Variants in BRWD3 observed in about 807,000 individuals in gnomAD.
The protein encoded by BRWD3 is bromodomain and WD repeat domain containing 3.
BRWD3 carries 10 observed loss-of-function variants against 149.7 expected under a neutral mutation model. The observed-to-expected ratio is 0.07, with a 90% confidence interval of 0.04 to 0.11. The LOEUF (loss-of-function observed/expected upper bound fraction) is 0.11, where lower values mean the gene tolerates loss of function less well. BRWD3 is among the 10% of genes least tolerant of loss of function. BRWD3 has a pLI of 1.00. For synonymous variants in BRWD3, 504 were observed against 456.7 expected (o/e 1.10, Z -1.32); for missense variants, 940 against 1,373.2 (o/e 0.68, Z 4.99).
At chrX:80,807,236 G>T (rs1029016003) in intron 4 of BRWD3, among the ~76,000 whole-genome samples, 1 of 111,506 alleles carries the variant, frequency 9.0e-6, no homozygotes, top group African/African-American at 3.3e-5. Context: ...CTCCATCTGA[G>T]AAATTGTTAC....
At position 80,809,705 on chromosome X, in the gene BRWD3, G is replaced by C. The variant is rs1387266081; in HGVS notation, c.-234C>G. 3.6e-5 allele frequency: 14 copies of C among 386,401 alleles called. No homozygotes were observed. In the Admixed American group the frequency reaches 5.6e-4, roughly 16 times the overall value. The allele number at this position is 386,401 out of a possible 1,213,427, so 31.8% of individuals were successfully genotyped here. ...GAAGGAGAGGAGAGGGAGAGGGAGA[G>C]AGAGAGTGAGTGAGTGAGAGAGAGA... On this transcript the variant is annotated 5_prime_UTR_variant, in exon 1 of 41. Coordinates refer to ENST00000373275, the MANE Select transcript of BRWD3 (RefSeq NM_153252.5).
At chrX:80,697,788 T>C (rs2072722607) in intron 25 of BRWD3, among the ~76,000 whole-genome samples, 1 of 112,175 alleles carries the variant, frequency 8.9e-6, no homozygotes, top group African/African-American at 3.2e-5. Context: ...TGCATGTGCA[T>C]GTGTCTTCAT....
intron 6 of BRWD3, among the ~76,000 whole-genome samples, chrX:80,782,653 T>G (rs2074068062): frequency 9.0e-6 from 1 of 111,488 alleles, no homozygotes; most frequent in Non-Finnish European, 1.9e-5. Context: ...ATTCCAATAC[T>G]TTTGGGAGGC....
chrX:80,700,974 G>A (rs987477184), intron 24 of BRWD3, among the ~76,000 whole-genome samples: 1 of 110,309 alleles, frequency 9.1e-6, no homozygotes, highest in Non-Finnish European at 1.9e-5. Context: ...TGTGGATACC[G>A]AAGGACAACT....
At chrX:80,710,570 G>T (rs1459576653) in intron 20 of BRWD3, 1 of 447,810 alleles carries the variant, frequency 2.2e-6, no homozygotes, top group Non-Finnish European at 4.2e-6. Context: ...GTAATAATTT[G>T]GAGTTTACAA....
At chrX:80,795,445 A>G (rs1351743148) in intron 4 of BRWD3, among the ~76,000 whole-genome samples, 2 of 109,560 alleles carry the variant, frequency 1.8e-5, no homozygotes, top group African/African-American at 6.6e-5. Context: ...ATACACGTAT[A>G]TGTATGTGTA....
At chrX:80,737,418 T>C (rs2073419956) in intron 8 of BRWD3, among the ~76,000 whole-genome samples, 1 of 112,410 alleles carries the variant, frequency 8.9e-6, no homozygotes, top group African/African-American at 3.2e-5. Context: ...ACATGTTCAG[T>C]ACGAATGTTA....
At chrX:80,714,218 T>C (rs962349413) in intron 20 of BRWD3, among the ~76,000 whole-genome samples, 15 of 94,467 alleles carry the variant, frequency 1.6e-4, no homozygotes, top group Non-Finnish European at 2.7e-4. Flanking sequence ...CAAACCTTCA[T>C]CTTTTTTTTT....
At position 80,722,623 on chromosome X, in the gene BRWD3, T is replaced by C. The variant is rs1188501630; in HGVS notation, c.1815A>G (p.Val605=). The C allele has an allele frequency of 1.7e-6, 2 of 1,211,708 alleles. No homozygotes were observed. The highest frequency in any genetic ancestry group is 2.2e-6 in the Non-Finnish European group (2 of 895,466). The change falls in exon 17 of 41, where the codon GTA becomes GTG. Residue 605 remains valine (V), a synonymous_variant. Transcript: ENST00000373275. ...NPHPTKFQRL[V]PGRENCKDEQ... Reference sequence around the variant, plus strand: ...CATCTTTACAATTTTCCCGTCCTGGTACCAACCGTTGGAATTTTGTGGGAT... The same window carrying C: ...CATCTTTACAATTTTCCCGTCCTGGCACCAACCGTTGGAATTTTGTGGGAT...
chrX:80,671,357 A>T lies in BRWD3; in HGVS notation c.*5252T>A, dbSNP rs2072321763. 1 of 112,177 alleles carries T rather than the reference A, an allele frequency of 8.9e-6. No individual in the cohort carries two copies. The highest frequency in any genetic ancestry group is 1.9e-5 in the Non-Finnish European group (1 of 53,208). 9.2% of individuals were successfully genotyped at this position (112,177 alleles called of 1,213,427 possible). A position where few individuals can be genotyped will look rare whatever the true frequency, so the allele number is the denominator to read the frequency against. The stretch of plus-strand genomic sequence containing the variant: ...CAAAAAACAAAACCTTTTCTTTGAT[A>T]GGAAGAAGCATCCTAGTTTCTCAGA... On this transcript the variant is annotated 3_prime_UTR_variant, in exon 41 of 41. Coordinates refer to ENST00000373275, the MANE Select transcript of BRWD3 (RefSeq NM_153252.5).
intron 21 of BRWD3, 38 bp downstream of exon 21, chrX:80,709,389 CA>C: frequency 8.6e-7 from 1 of 1,163,255 alleles, no homozygotes; most frequent in Non-Finnish European, 1.2e-6. Flanking sequence ...AACTGGGAAA[CA>C]AAAAACTACA....
At chrX:80,706,401 G>A (rs776512456) in intron 22 of BRWD3, among the ~76,000 whole-genome samples, 2 of 111,534 alleles carry the variant, frequency 1.8e-5, no homozygotes, top group African/African-American at 6.5e-5. Flanking sequence ...GAGCCACCAC[G>A]TTCGGCAAAT....
chrX:80,687,652 A>G (rs1384085302), intron 34 of BRWD3, among the ~76,000 whole-genome samples: 1 of 110,654 alleles, frequency 9.0e-6, no homozygotes, highest in African/African-American at 3.3e-5. Flanking sequence ...TAGACAGTAT[A>G]AACAATGTGA....
intron 36 of BRWD3, among the ~76,000 whole-genome samples, chrX:80,685,049 T>TA (rs1294987595): frequency 8.1e-5 from 9 of 111,467 alleles, no homozygotes; most frequent in Non-Finnish European, 1.5e-4. Context: ...TCTTAAATCA[T>TA]AAAAAAACAG....
chrX:80,755,680 A>G (rs1298467534), intron 6 of BRWD3, among the ~76,000 whole-genome samples: 2 of 111,887 alleles, frequency 1.8e-5, no homozygotes, highest in Non-Finnish European at 3.8e-5. Context: ...CATATATAAA[A>G]TATTTAAAGT....
Position 80,696,727 on chromosome X carries a change from A to G in BRWD3, c.3068+12T>C, listed in dbSNP as rs184197175. ...CACACACTCAAACAGAGACTCAGAGATAACTACTCACTTAATGGAAAAAGA... is the reference window on the plus strand; with the variant it reads ...CACACACTCAAACAGAGACTCAGAGGTAACTACTCACTTAATGGAAAAAGA... On this transcript the variant is annotated intron_variant, in intron 26 of 40. Transcript: ENST00000373275. 79 of 1,207,350 alleles carry G rather than the reference A, an allele frequency of 6.5e-5. No individual in the cohort carries two copies. The African/African-American group carries it at 1.2e-3, about 19-fold the overall frequency.
intron 8 of BRWD3, among the ~76,000 whole-genome samples, chrX:80,738,259 G>A (rs190455666): frequency 2.3e-4 from 26 of 111,819 alleles, no homozygotes; most frequent in African/African-American, 7.5e-4. Flanking sequence ...ATAAAAAATC[G>A]TGTTATGGAT....
At chrX:80,681,839 A>T in intron 39 of BRWD3, among the ~76,000 whole-genome samples, 158 bp downstream of exon 39, 1 of 112,125 alleles carries the variant, frequency 8.9e-6, no homozygotes, top group Non-Finnish European at 1.9e-5. Flanking sequence ...TGTCATACTC[A>T]GGGACACAAA....
intron 20 of BRWD3, among the ~76,000 whole-genome samples, chrX:80,711,873 C>T (rs1268854651): frequency 9.0e-6 from 1 of 111,558 alleles, no homozygotes; most frequent in Non-Finnish European, 1.9e-5. Context: ...GATGTCTTGT[C>T]TCTCTAAATT....
Sources: gnomAD v4.1 joint callset for allele counts (sites outside exome capture counted in the v4.1 genomes callset) on GRCh38, gnomAD v4.1.1 for gene constraint, MANE v1.5 for transcripts, NCBI Gene and HGNC (gene_info 2026-07-23, HGNC 2026-07-21) for gene names.